EML1: variants seen among roughly 807,000 people sequenced by gnomAD.
EML1 encodes EMAP like 1, also known as echinoderm microtubule-associated protein-like 1.
A neutral mutation model predicts 110.4 loss-of-function variants in EML1; 27 were observed. The observed-to-expected ratio is 0.24, with a 90% CI of 0.18 to 0.34. The LOEUF is 0.34. Among genes scored for constraint, EML1 ranks in the 10% least tolerant of loss-of-function variants. The probability of loss-of-function intolerance (pLI) is 1.00; values close to 1 mark genes in which losing one functional copy is unlikely to be tolerated. For missense variants in EML1, 741 were observed against 1,030.9 expected, an observed-to-expected ratio of 0.72 and a Z score of 3.85; for synonymous variants, 344 against 385.8, an observed-to-expected ratio of 0.89 and a Z score of 1.27.
chr14:99,763,671 C>T (rs554312728), intron 1 of EML1, among the ~76,000 whole-genome samples: 1 of 152,318 alleles, frequency 6.6e-6, no homozygotes, highest in South Asian at 2.1e-4. Context: ...GTCCTCATCA[C>T]TGCAATGACC....
intron 4 of EML1, among the ~76,000 whole-genome samples, chr14:99,880,863 G>T (rs1038886799): frequency 6.6e-6 from 1 of 152,196 alleles, no homozygotes; most frequent in Non-Finnish European, 1.5e-5. Flanking sequence ...GTAGGGCTTG[G>T]CACTCAGTAA....
At chr14:99,937,458 G>A (rs2140137714) in intron 19 of EML1, among the ~76,000 whole-genome samples, 1 of 152,284 alleles carries the variant, frequency 6.6e-6, no homozygotes, top group East Asian at 1.9e-4. Context: ...GGGGTATAGG[G>A]AGGCGAGGGG....
chr14:99,807,164 T>C (rs1035990780), intron 1 of EML1, among the ~76,000 whole-genome samples: 3 of 152,162 alleles, frequency 2.0e-5, no homozygotes, highest in Non-Finnish European at 1.5e-5. Context: ...CTCTTGAGAA[T>C]TAGCACAAAA....
chr14:99,791,501 C>T (rs1481723979), upstream of EML1, among the ~76,000 whole-genome samples: 3 of 152,214 alleles, frequency 2.0e-5, no homozygotes, highest in African/African-American at 7.2e-5. Flanking sequence ...CATCTACAAC[C>T]CCTTTGCTGA....
chr14:99,909,266 C>T, intron 10 of EML1, 79 bp from the exon 11 acceptor site: 1 of 1,598,906 alleles, frequency 6.3e-7, no homozygotes, highest in East Asian at 2.2e-5. Flanking sequence ...ATTTGTGGCT[C>T]ACATTTTACT....
intron 4 of EML1, chr14:99,886,011 T>C (rs1367249894): frequency 2.6e-6 from 1 of 379,472 alleles, no homozygotes; most frequent in Non-Finnish European, 5.1e-6. Flanking sequence ...AAGCAGTCGC[T>C]TTTGTCCCAA....
At chr14:99,813,128 A>G (rs2058108966) in intron 1 of EML1, among the ~76,000 whole-genome samples, 1 of 152,280 alleles carries the variant, frequency 6.6e-6, no homozygotes, top group African/African-American at 2.4e-5. Context: ...TTTGCCAAGC[A>G]GAAGGATTAT....
intron 10 of EML1, among the ~76,000 whole-genome samples, chr14:99,908,844 A>T (rs1253945238): frequency 6.6e-6 from 1 of 152,152 alleles, no homozygotes; most frequent in Admixed American, 6.5e-5. Context: ...CGAACAATGG[A>T]CCTTTGTAAA....
intron 17 of EML1, among the ~76,000 whole-genome samples, chr14:99,931,605 G>A (rs553467032): frequency 6.6e-6 from 1 of 152,288 alleles, no homozygotes; most frequent in African/African-American, 2.4e-5. Flanking sequence ...AGGAATCTCA[G>A]TCTCCGAGAG....
chr14:99,738,870 C>T (rs1476016794), intron 1 of EML1, among the ~76,000 whole-genome samples: 4 of 152,096 alleles, frequency 2.6e-5, no homozygotes, highest in Admixed American at 1.3e-4. Context: ...CGTAAGCCAC[C>T]GATTGTCGCT....
intron 1 of EML1, among the ~76,000 whole-genome samples, chr14:99,825,979 C>G (rs1269671057): frequency 2.0e-5 from 3 of 152,132 alleles, no homozygotes; most frequent in African/African-American, 7.2e-5. Context: ...CTTACCACTG[C>G]AAGAAAACTT....
chr14:99,898,285 A>G lies in EML1; in HGVS notation c.880A>G (p.Thr294Ala), dbSNP rs769133936. The change falls in exon 8 of 22, where the codon ACA (threonine) becomes GCA (alanine). Residue 294 changes from threonine (T) to alanine (A), a missense_variant. Thr to Ala is a moderately conservative substitution (Grantham distance 58). Around this residue, in one of 4 missense-constraint regions of EML1, gnomAD observed 388 missense variants for 605.6 expected, o/e 0.64. Coordinates refer to ENST00000262233, the MANE Select transcript of EML1 (RefSeq NM_004434.3). ...GATAGCAACAGGACAAGTTGCGGGC[A>G]CATCGAAGGATGGAAAAGTGAGTTA... ...ITIATGQVAGTSKDGKQLPPH... is the reference protein window; with the variant it reads ...ITIATGQVAGASKDGKQLPPH... 2.5e-6 allele frequency: 4 copies of G among 1,611,444 alleles called. No homozygotes were observed. The African/African-American group carries it at 4.0e-5, about 16-fold the overall frequency.
Position 99,878,600 on chromosome 14 carries a change from G to A in EML1, c.499G>A (p.Gly167Ser). ...RTGSTSSSSS[G>S]KKNSESKPKE... ...AGGCTCCACCAGCAGCTCTTCCAGTGGCAAAAAGAACAGTGAAAGGTAAGG... is the reference window on the plus strand; with the variant it reads ...AGGCTCCACCAGCAGCTCTTCCAGTAGCAAAAAGAACAGTGAAAGGTAAGG... Residue 167 changes from glycine (G) to serine (S), a missense_variant, in exon 4 of 22, where the codon GGC becomes AGC. Physicochemically the swap from Gly to Ser is moderately conservative, Grantham distance 56. Transcript: ENST00000262233. 4 of 1,613,138 alleles carry A rather than the reference G, an allele frequency of 2.5e-6. No individual in the cohort carries two copies. The highest frequency in any genetic ancestry group is 2.5e-6 in the Non-Finnish European group (3 of 1,179,696).
chr14:99,937,309 T>C (rs1342940596), intron 19 of EML1, among the ~76,000 whole-genome samples: 1 of 152,220 alleles, frequency 6.6e-6, no homozygotes, highest in African/African-American at 2.4e-5. Flanking sequence ...GGACAAGCCC[T>C]GGGTCTAGAG....
intron 20 of EML1, among the ~76,000 whole-genome samples, chr14:99,938,181 T>C (rs1474135776): frequency 6.6e-6 from 1 of 152,120 alleles, no homozygotes; most frequent in Non-Finnish European, 1.5e-5. Flanking sequence ...TGGAACCCTC[T>C]CCTATCAGGT....
chr14:99,940,382 A>G lies in EML1; in HGVS notation c.*270A>G. 1 of 285,684 alleles carries G rather than the reference A, an allele frequency of 3.5e-6. No individual in the cohort carries two copies. Among genetic ancestry groups the G allele is most frequent in the Non-Finnish European group, 6.4e-6 (1 of 156,068 alleles). 17.7% of individuals were successfully genotyped at this position (285,684 alleles called of 1,614,324 possible). ...ACATTATAGCCACATCAACAGAAGT[A>G]ACTGGTATATTCTTAGTAACTTTTC... is the stretch of plus-strand genomic sequence containing the variant. On this transcript the variant is annotated 3_prime_UTR_variant, in exon 22 of 22. Transcript: ENST00000262233.
intron 1 of EML1, among the ~76,000 whole-genome samples, chr14:99,840,147 A>T (rs972257939): frequency 3.3e-5 from 5 of 152,260 alleles, no homozygotes; most frequent in African/African-American, 1.2e-4. Context: ...TGAAATGTTT[A>T]TCTGCAAATT....
chr14:99,802,628 C>A (rs2057902075), intron 1 of EML1, among the ~76,000 whole-genome samples: 1 of 152,066 alleles, frequency 6.6e-6, no homozygotes, highest in Non-Finnish European at 1.5e-5. Flanking sequence ...CAGGACAGGC[C>A]AGGGGGCCTG....
intron 20 of EML1, 36 bp downstream of exon 20, chr14:99,937,948 A>C: frequency 6.3e-7 from 1 of 1,583,486 alleles, no homozygotes; most frequent in Non-Finnish European, 8.7e-7. Flanking sequence ...TTCCAACAAA[A>C]GAGTGTCTCC....
Sources: gnomAD v4.1 joint callset for allele counts (sites outside exome capture counted in the v4.1 genomes callset) on GRCh38, gnomAD v4.1.1 for gene constraint, gnomAD v4.1.1 regional missense constraint, MANE v1.5 for transcripts, NCBI Gene and HGNC (gene_info 2026-07-23, HGNC 2026-07-21) for gene names.